Variants in RBFOX3 observed in about 807,000 individuals in gnomAD.
RBFOX3 encodes the protein RNA binding protein fox-1 homolog 3.
A neutral mutation model predicts 48.7 loss-of-function variants in RBFOX3; 17 were observed. The ratio of observed to expected loss-of-function variants is 0.35; its 90% confidence interval spans 0.24 to 0.52. The LOEUF is 0.52. RBFOX3 is among the 20% of genes least tolerant of loss of function. The pLI is 0.94. For missense variants in RBFOX3, 382 were observed against 497.5 expected, an observed-to-expected ratio of 0.77 and a Z score of 2.21; for synonymous variants, 212 against 209.5, an observed-to-expected ratio of 1.01 and a Z score of -0.10.
chr17:79,373,892 C>T (rs563345981), intron 2 of RBFOX3, among the ~76,000 whole-genome samples: 4 of 100,110 alleles, frequency 4.0e-5, no homozygotes, highest in Admixed American at 3.9e-4. Context: ...GAGTCTCACT[C>T]TTGTCGCCCA....
At chr17:79,241,396 G>A (rs1056064000) in intron 3 of RBFOX3, among the ~76,000 whole-genome samples, 1 of 152,044 alleles carries the variant, frequency 6.6e-6, no homozygotes, top group Non-Finnish European at 1.5e-5. Flanking sequence ...CATCATTTTG[G>A]GACATCTCTT....
intron 2 of RBFOX3, among the ~76,000 whole-genome samples, chr17:79,386,665 A>T (rs1002543235): frequency 3.7e-4 from 57 of 152,298 alleles, no homozygotes; most frequent in African/African-American, 1.3e-3. Flanking sequence ...CCTTTCCCCA[A>T]GGAGTTCCTT....
chr17:79,508,900 A>G (rs1359794986), intron 1 of RBFOX3: 1 of 152,344 alleles, frequency 6.6e-6, no homozygotes, highest in African/African-American at 2.4e-5. Context: ...GACTTCTTGC[A>G]TCACAGATTT....
chr17:79,097,635 G>T, intron 10 of RBFOX3, 57 bp downstream of exon 10: 3 of 1,390,796 alleles, frequency 2.2e-6, no homozygotes, highest in East Asian at 2.6e-5. Context: ...AGCCCCCGGA[G>T]CCCCACGGGG....
At chr17:79,619,143 T>C in the RBFOX3 span, among the ~76,000 whole-genome samples, 1 of 152,272 alleles carries the variant, frequency 6.6e-6, no homozygotes, top group Non-Finnish European at 1.5e-5. Context: ...AATTTTCCAT[T>C]TGATTGTAAG....
chr17:79,462,941 G>C (rs1555750012), intron 2 of RBFOX3, among the ~76,000 whole-genome samples: 1 of 152,084 alleles, frequency 6.6e-6, no homozygotes, highest in South Asian at 2.1e-4. Context: ...GCCTCTTTGA[G>C]CATCGTTCGA....
intron 4 of RBFOX3, among the ~76,000 whole-genome samples, chr17:79,140,035 G>T (rs887948000): frequency 2.6e-5 from 4 of 152,172 alleles, no homozygotes; most frequent in Non-Finnish European, 5.9e-5. Flanking sequence ...CTGGTCCCGC[G>T]GCCCTGCCAG....
intron 2 of RBFOX3, among the ~76,000 whole-genome samples, chr17:79,435,087 C>T (rs2069146929): frequency 1.3e-5 from 2 of 152,242 alleles, no homozygotes; most frequent in South Asian, 4.1e-4. Flanking sequence ...TTCCCCTTTT[C>T]CTTCAATCTG....
chr17:79,100,622 C>A (rs553823730), intron 9 of RBFOX3, among the ~76,000 whole-genome samples: 1 of 152,168 alleles, frequency 6.6e-6, no homozygotes, highest in African/African-American at 2.4e-5. Flanking sequence ...GGGGTGACAC[C>A]GTCTGAAAGT....
At chr17:79,196,353 C>G (rs2055583033) in intron 4 of RBFOX3, among the ~76,000 whole-genome samples, 1 of 152,218 alleles carries the variant, frequency 6.6e-6, no homozygotes, top group African/African-American at 2.4e-5. Flanking sequence ...CAGCCCATCT[C>G]TGCCCCGACC....
intron 2 of RBFOX3, among the ~76,000 whole-genome samples, chr17:79,376,151 C>T (rs920964524): frequency 6.6e-6 from 1 of 152,206 alleles, no homozygotes; most frequent in African/African-American, 2.4e-5. Context: ...GTCAACACCC[C>T]CTCCTTCCTT....
intron 4 of RBFOX3, among the ~76,000 whole-genome samples, chr17:79,158,041 A>G (rs535868762): frequency 1.3e-5 from 2 of 152,312 alleles, no homozygotes; most frequent in African/African-American, 4.8e-5. Context: ...AGAGGTGATT[A>G]CATTACACTG....
At chr17:79,118,189 A>G (rs1252198178) in intron 4 of RBFOX3, among the ~76,000 whole-genome samples, 3 of 152,072 alleles carry the variant, frequency 2.0e-5, no homozygotes, top group African/African-American at 4.8e-5. Flanking sequence ...CCTAAGGAGC[A>G]GAAGTGCTGT....
chr17:79,370,827 C>A (rs1479661478), intron 2 of RBFOX3, among the ~76,000 whole-genome samples: 1 of 152,136 alleles, frequency 6.6e-6, no homozygotes, highest in Non-Finnish European at 1.5e-5. Context: ...CACAAGCTCA[C>A]TCACATATGC....
intron 4 of RBFOX3, among the ~76,000 whole-genome samples, chr17:79,150,327 G>A (rs547597715): frequency 1.3e-5 from 2 of 152,202 alleles, no homozygotes; most frequent in African/African-American, 4.8e-5. Flanking sequence ...AAGGGGCAGA[G>A]TGGCTGCTGT....
At chr17:79,149,096 G>C (rs2043714381) in intron 4 of RBFOX3, among the ~76,000 whole-genome samples, 1 of 152,208 alleles carries the variant, frequency 6.6e-6, no homozygotes. Flanking sequence ...AGAAGCACAA[G>C]GAGATCCTCC....
chr17:79,419,243 C>T (rs1175768658), intron 2 of RBFOX3, among the ~76,000 whole-genome samples: 1 of 152,222 alleles, frequency 6.6e-6, no homozygotes, highest in African/African-American at 2.4e-5. Flanking sequence ...GCTAAGATGC[C>T]TTTTCCCCGT....
chr17:79,526,420 C>T (rs2150040355), intron 1 of RBFOX3, among the ~76,000 whole-genome samples: 1 of 152,344 alleles, frequency 6.6e-6, no homozygotes, highest in South Asian at 2.1e-4. Context: ...TGTCACCTAT[C>T]ACACGATCCT....
At chr17:79,330,570 G>A (rs60261518) in intron 2 of RBFOX3, among the ~76,000 whole-genome samples, 2 of 6,878 alleles carry the variant, frequency 2.9e-4, no homozygotes, top group Admixed American at 6.8e-3. Context: ...GGGGTTTTCA[G>A]GGTGGCAGGG....
Sources: gnomAD v4.1 joint callset for allele counts (sites outside exome capture counted in the v4.1 genomes callset) on GRCh38, gnomAD v4.1.1 for gene constraint, MANE v1.5 for transcripts, NCBI Gene and HGNC (gene_info 2026-07-23, HGNC 2026-07-21) for gene names.